GPC4: variants seen among roughly 807,000 people sequenced by gnomAD.
GPC4 encodes glypican 4, also known as glypican-4.
A neutral mutation model predicts 35.0 loss-of-function variants in GPC4; 10 were observed. The observed-to-expected ratio is 0.29, with a 90% CI of 0.18 to 0.48. The LOEUF (loss-of-function observed/expected upper bound fraction) is 0.48. Ranked by LOEUF, GPC4 falls within the 20% of genes least tolerant of loss-of-function variation. The pLI is 0.99. For synonymous variants in GPC4, 167 were observed against 170.2 expected, an observed-to-expected ratio of 0.98 and a Z score of 0.15; for missense variants, 322 against 451.3, an observed-to-expected ratio of 0.71 and a Z score of 2.60.
intron 1 of GPC4, among the ~76,000 whole-genome samples, chrX:133,394,056 A>C (rs1347590230): frequency 9.0e-6 from 1 of 111,024 alleles, no homozygotes. Context: ...AGATAACTTG[A>C]GGTCAGGAGT....
intron 3 of GPC4, among the ~76,000 whole-genome samples, chrX:133,314,630 A>G (rs757088524): frequency 8.9e-6 from 1 of 111,805 alleles, no homozygotes; most frequent in African/African-American, 3.2e-5. Context: ...TATAAGAAAA[A>G]TGGAAAGAGA....
intron 1 of GPC4, among the ~76,000 whole-genome samples, chrX:133,397,987 C>T (rs1234281960): frequency 2.7e-5 from 3 of 111,554 alleles, no homozygotes; most frequent in African/African-American, 3.3e-5. Context: ...TCACTTGAAC[C>T]CAGGATGCAC....
rs747604482 is a variant in GPC4 at position 133,303,076 on chromosome X, T to TA, written c.1469-8dup. 4.7e-5 allele frequency: 56 copies of TA among 1,194,860 alleles called. No homozygotes were observed. Among genetic ancestry groups the TA allele is most frequent in the Middle Eastern group, 2.3e-4 (1 of 4,319 alleles). ...TCTCCACTACTTTCATCACCTAGTT[T>TA]AAAAAAAAATGGAATAGAAATTTCA... On this transcript the variant is annotated splice_region_variant and splice_polypyrimidine_tract_variant and intron_variant, in intron 8 of 8. Coordinates refer to ENST00000370828, the MANE Select transcript of GPC4 (RefSeq NM_001448.3).
chrX:133,336,698 A>G (rs1482369081), intron 2 of GPC4, among the ~76,000 whole-genome samples: 2 of 111,445 alleles, frequency 1.8e-5, no homozygotes, highest in African/African-American at 3.3e-5. Context: ...CCAGTATTCC[A>G]GCATTCCAGT....
chrX:133,373,388 G>GACACACACACAC (rs745387266), intron 1 of GPC4, among the ~76,000 whole-genome samples: 3 of 107,113 alleles, frequency 2.8e-5, no homozygotes, highest in African/African-American at 1.0e-4. Context: ...GGTTATTGAA[G>GACACACACACAC]ACACACACAC....
chrX:133,397,268 T>TA (rs1569356173), intron 1 of GPC4, among the ~76,000 whole-genome samples: 1 of 111,483 alleles, frequency 9.0e-6, no homozygotes, highest in Non-Finnish European at 1.9e-5. Context: ...CTACAAAAAA[T>TA]ACAGAAATTA....
chrX:133,345,860 A>G (rs1283009503), intron 1 of GPC4, among the ~76,000 whole-genome samples: 1 of 111,930 alleles, frequency 8.9e-6, no homozygotes, highest in Non-Finnish European at 1.9e-5. Context: ...TGGTGTTTTG[A>G]ACAAATAATT....
At chrX:133,304,660 C>T (rs762493703) in intron 7 of GPC4, 65 bp downstream of exon 7, 5 of 1,168,268 alleles carry the variant, frequency 4.3e-6, no homozygotes, top group Middle Eastern at 2.4e-4. Flanking sequence ...TGAGAGAACC[C>T]TCTCTGAAGG....
intron 1 of GPC4, among the ~76,000 whole-genome samples, chrX:133,361,216 T>C (rs1486239503): frequency 8.9e-6 from 1 of 111,897 alleles, no homozygotes; most frequent in Non-Finnish European, 1.9e-5. Flanking sequence ...GATATACATT[T>C]ATAACCTTTG....
At chrX:133,373,055 G>A (rs1160258525) in intron 1 of GPC4, among the ~76,000 whole-genome samples, 1 of 111,951 alleles carries the variant, frequency 8.9e-6, no homozygotes, top group East Asian at 2.8e-4. Flanking sequence ...TGGATTGCAA[G>A]TAAAAGCACT....
chrX:133,329,137 C>T (rs974131624), intron 2 of GPC4, among the ~76,000 whole-genome samples: 1 of 112,019 alleles, frequency 8.9e-6, no homozygotes, highest in African/African-American at 3.2e-5. Flanking sequence ...AACAGGAGAT[C>T]TCTCATTTGG....
chrX:133,415,068 G>A lies in GPC4; in HGVS notation c.-103C>T. ...GCGGAGTCGGGGACTAGCGAGTGGA[G>A]CTGGAGGGAGAAGGAGTTGGAGTTG... On this transcript the variant is annotated 5_prime_UTR_variant, in exon 1 of 9. Transcript: ENST00000370828. The A allele has an allele frequency of 1.2e-6, 1 of 834,117 alleles. No individual in the cohort carries two copies. Among genetic ancestry groups the A allele is most frequent in the Non-Finnish European group, 1.7e-6 (1 of 595,385 alleles). 68.7% of individuals were successfully genotyped at this position (834,117 alleles called of 1,213,427 possible).
intron 1 of GPC4, among the ~76,000 whole-genome samples, chrX:133,357,209 C>G (rs1156557364): frequency 2.8e-5 from 3 of 108,946 alleles, no homozygotes; most frequent in African/African-American, 1.0e-4. Flanking sequence ...CATGGCAAAA[C>G]CCTGTCTCTA....
In GPC4 at chrX:133,301,250, T is replaced by C. The variant is rs781301670; in HGVS notation, c.*1617A>G. On this transcript the variant is annotated 3_prime_UTR_variant, in exon 9 of 9. Coordinates refer to ENST00000370828, the MANE Select transcript of GPC4 (RefSeq NM_001448.3). The stretch of plus-strand genomic sequence containing the variant: ...ACTCTTACAACTGAAGATTGAACAA[T>C]AACACAAACAACCTCTTTGTGGGTT... 1.8e-5 allele frequency: 2 copies of C among 112,964 alleles called. No homozygotes were observed. Among genetic ancestry groups the C allele is most frequent in the Non-Finnish European group, 3.7e-5 (2 of 53,358 alleles). 9.3% of individuals were successfully genotyped at this position (112,964 alleles called of 1,213,427 possible).
At chrX:133,304,499 C>T (rs2068282209) in intron 7 of GPC4, among the ~76,000 whole-genome samples, 1 of 111,725 alleles carries the variant, frequency 9.0e-6, no homozygotes, top group Non-Finnish European at 1.9e-5. Context: ...GAGACTATAA[C>T]TACTGTCAAA....
At chrX:133,339,546 G>A (rs902734775) in intron 1 of GPC4, among the ~76,000 whole-genome samples, 37 of 111,952 alleles carry the variant, frequency 3.3e-4, no homozygotes, top group African/African-American at 1.2e-3. Context: ...AAAAGCAAAA[G>A]AACTTTCCAA....
At chrX:133,378,588 GA>G (rs71786541) in intron 1 of GPC4, among the ~76,000 whole-genome samples, 4,052 of 63,021 alleles carry the variant, frequency 0.064, 80 homozygotes, top group Non-Finnish European at 0.085. Flanking sequence ...AAAAAAAAAA[GA>G]AAAAAAAAAA....
At chrX:133,363,498 G>C (rs1480736877) in intron 1 of GPC4, among the ~76,000 whole-genome samples, 1 of 111,310 alleles carries the variant, frequency 9.0e-6, no homozygotes, top group Non-Finnish European at 1.9e-5. Flanking sequence ...ATCAGGACGA[G>C]AACCCTGGTC....
At chrX:133,330,947 AAAACAAACAAACGAAC>A (rs113263343) in intron 2 of GPC4, among the ~76,000 whole-genome samples, 39,525 of 107,610 alleles carry the variant, frequency 0.37, 6,410 homozygotes, top group African/African-American at 0.61. Flanking sequence ...AAGTCTAAGC[AAAACAAACAAACGAAC>A]AAACAAACAA....
Sources: gnomAD v4.1 joint callset for allele counts (sites outside exome capture counted in the v4.1 genomes callset) on GRCh38, gnomAD v4.1.1 for gene constraint, MANE v1.5 for transcripts, NCBI Gene and HGNC (gene_info 2026-07-23, HGNC 2026-07-21) for gene names.